Variants in RNF213 observed in about 807,000 individuals in gnomAD.
RNF213 encodes the protein ring finger protein 213.
Under a neutral mutation model 514.4 loss-of-function variants are expected in RNF213, and 341 were observed. That is an observed-to-expected ratio of 0.66 (90% CI 0.61 to 0.73). RNF213 has a LOEUF of 0.73. Among genes scored for constraint, RNF213 ranks in the 30% least tolerant of loss-of-function variants. The pLI is 0.00. For synonymous variants in RNF213, 2,655 were observed against 2,658.2 expected, an observed-to-expected ratio of 1.00 and a Z score of 0.04; for missense variants, 5,767 against 6,615.6, an observed-to-expected ratio of 0.87 and a Z score of 4.45.
At chr17:80,320,884 G>A (rs1253244797) in intron 17 of RNF213, 1 of 152,274 alleles carries the variant, frequency 6.6e-6, no homozygotes, top group Non-Finnish European at 1.5e-5. Flanking sequence ...CTACTTGGGA[G>A]GCTGAGGTGG....
rs955127468 is a variant in RNF213, at chr17:80,398,484, A to G, written c.*4986A>G. The G allele has an allele frequency of 2.0e-5, 3 of 152,226 alleles. No individual in the cohort carries two copies. Among genetic ancestry groups the G allele is most frequent in the Non-Finnish European group, 4.4e-5 (3 of 68,056 alleles). 9.4% of individuals were successfully genotyped at this position (152,226 alleles called of 1,614,324 possible). On this transcript the variant is annotated 3_prime_UTR_variant, in exon 68 of 68. Transcript: ENST00000582970. Reference sequence around the variant, plus strand: ...CAGCATTAGAGGTAGGTTGGCCATCAGAGTGAAGCCTGGACAGGTCCCTTG... The same window carrying G: ...CAGCATTAGAGGTAGGTTGGCCATCGGAGTGAAGCCTGGACAGGTCCCTTG...
Position 80,389,158 on chromosome 17 carries a change from C to T in RNF213, c.15001-15C>T, listed in dbSNP as rs2080361317. Reference sequence around the variant, plus strand: ...CCAGCCCACAGACATCCCTCTCCTGCTTTTCATTTCCCAGGACTCCCTCCC... The same window carrying T: ...CCAGCCCACAGACATCCCTCTCCTGTTTTTCATTTCCCAGGACTCCCTCCC... On this transcript the variant is annotated splice_polypyrimidine_tract_variant and intron_variant, in intron 64 of 67. Coordinates refer to ENST00000582970, the MANE Select transcript of RNF213 (RefSeq NM_001256071.3). The T allele has an allele frequency of 6.2e-7, 1 of 1,613,384 alleles. No individual in the cohort carries two copies. Among genetic ancestry groups the T allele is most frequent in the Middle Eastern group, 1.6e-4 (1 of 6,062 alleles).
chr17:80,319,962 T>C (rs2046083899), intron 17 of RNF213: 2 of 1,032,400 alleles, frequency 1.9e-6, no homozygotes, highest in South Asian at 3.7e-5. Context: ...GGGGTTCTAA[T>C]TTTTTAAGTG....
chr17:80,398,267 T>C lies in RNF213; in HGVS notation c.*4769T>C, dbSNP rs1890098675. ...CTGTAAAAGTGTGTGTGTGCCCTTT[T>C]TACCTGTTCTTTGTTTTGTGGTATG... is the stretch of plus-strand genomic sequence containing the variant. On this transcript the variant is annotated 3_prime_UTR_variant, in exon 68 of 68. Coordinates refer to ENST00000582970, the MANE Select transcript of RNF213 (RefSeq NM_001256071.3). 1 of 152,164 alleles carries C rather than the reference T, an allele frequency of 6.6e-6. No individual in the cohort carries two copies. The allele number at this position is 152,164 out of a possible 1,614,324, so 9.4% of individuals were successfully genotyped here.
intron 3 of RNF213, among the ~76,000 whole-genome samples, chr17:80,274,410 G>T (rs73442436): frequency 6.7e-6 from 1 of 149,430 alleles, no homozygotes; most frequent in African/African-American, 2.5e-5. Flanking sequence ...GCTCTAGCGC[G>T]GCCTGGGAAG....
intron 11 of RNF213, among the ~76,000 whole-genome samples, chr17:80,299,850 A>G (rs1247088725): frequency 6.6e-6 from 1 of 152,158 alleles, no homozygotes; most frequent in Non-Finnish European, 1.5e-5. Flanking sequence ...TGCTAAGGAT[A>G]ATGGCCTCCA....
chr17:80,336,488 A>G, intron 23 of RNF213, 110 bp downstream of exon 23: 1 of 932,966 alleles, frequency 1.1e-6, no homozygotes, highest in East Asian at 2.6e-5. Flanking sequence ...AGGTTTGTAC[A>G]CAGCCGTTTT....
intron 2 of RNF213, among the ~76,000 whole-genome samples, chr17:80,267,559 C>T (rs1394300080): frequency 6.6e-6 from 1 of 152,212 alleles, no homozygotes; most frequent in African/African-American, 2.4e-5. Context: ...TCACAACATT[C>T]CCTTAAACCA....
intron 26 of RNF213, 99 bp downstream of exon 26, chr17:80,340,455 C>T (rs1042901748): frequency 1.7e-5 from 20 of 1,205,818 alleles, no homozygotes; most frequent in Middle Eastern, 2.7e-4. Flanking sequence ...GTGGAGAAAC[C>T]GAGGCTCAGG....
At position 80,393,817 on chromosome 17, in the gene RNF213, C is replaced by G. The variant is rs1047953763; in HGVS notation, c.*319C>G. 1 of 362,872 alleles carries G rather than the reference C, an allele frequency of 2.8e-6. No homozygotes were observed. Among genetic ancestry groups the G allele is most frequent in the Non-Finnish European group, 5.3e-6 (1 of 188,368 alleles). 22.5% of individuals were successfully genotyped at this position (362,872 alleles called of 1,614,324 possible). A position where few individuals can be genotyped will look rare whatever the true frequency, so the allele number is the denominator to read the frequency against. ...CATTCCAGGAGACTTGTAGCTCAGC[C>G]ACACACGCAGTAATGACCTGTGCCC... On this transcript the variant is annotated 3_prime_UTR_variant, in exon 68 of 68. Transcript: ENST00000582970.
intron 35 of RNF213, 39 bp downstream of exon 35, chr17:80,354,205 T>C: frequency 6.2e-7 from 1 of 1,606,738 alleles, no homozygotes. Flanking sequence ...TGCCCCCACG[T>C]GGGCTCTTCC....
chr17:80,294,780 T>G lies in RNF213; in HGVS notation c.1532T>G (p.Met511Arg). 1 of 1,614,130 alleles carries G rather than the reference T, an allele frequency of 6.2e-7. No individual in the cohort carries two copies. Among genetic ancestry groups the G allele is most frequent in the East Asian group, 2.2e-5 (1 of 44,884 alleles). ...MKPHGRLQKV[M>R]NHITDGPRKD... Reference sequence around the variant, plus strand: ...CCTCATGGGAGACTCCAGAAAGTCATGAACCACATCACAGACGGGCCGAGG... The same window carrying G: ...CCTCATGGGAGACTCCAGAAAGTCAGGAACCACATCACAGACGGGCCGAGG... The change falls in exon 9 of 68, where the codon ATG (methionine) becomes AGG (arginine). Residue 511 changes from methionine to arginine, a missense_variant. Physicochemically the swap from Met to Arg is moderately conservative, Grantham distance 91. Around this residue, in one of 13 missense-constraint regions of RNF213, gnomAD observed 592 missense variants for 673.9 expected, o/e 0.88. Transcript: ENST00000582970.
In RNF213 at chr17:80,288,983, C is replaced by T. The variant is rs565353320; in HGVS notation, c.933+228C>T. ...GGAGAGAGGGCACCCAGGTGGGCCC[C>T]GAGGTACCATGGCACCCACAGCCCG... On this transcript the variant is annotated intron_variant, in intron 5 of 67. Transcript: ENST00000582970. The surrounding 1 kb of genome is among the most constrained non-coding windows in gnomAD (Gnocchi z 4.9). Among the ~76,000 whole-genome samples the T allele has an allele frequency of 3.3e-5, 5 of 152,190 alleles. No homozygotes were observed. The highest frequency in any genetic ancestry group is 1.9e-4 in the East Asian group (1 of 5,150).
intron 49 of RNF213, 143 bp from the exon 50 acceptor site, chr17:80,374,315 C>T: frequency 9.4e-7 from 1 of 1,062,026 alleles, no homozygotes; most frequent in South Asian, 1.3e-5. Flanking sequence ...CCAGACTGTC[C>T]TGCCTCAGGC....
Position 80,340,117 on chromosome 17 carries a change from C to G in RNF213, c.5750C>G (p.Thr1917Arg). The G allele has an allele frequency of 6.2e-7, 1 of 1,613,012 alleles. No homozygotes were observed. The highest frequency in any genetic ancestry group is 8.5e-7 in the Non-Finnish European group (1 of 1,179,846). Residue 1917 changes from threonine (T) to arginine (R), a missense_variant, in exon 26 of 68, where the codon ACG (threonine) becomes AGG (arginine). By Grantham distance (71) the Thr-to-Arg change is moderately conservative. This residue lies in a region of RNF213 where 1,377 missense variants were observed against 1,635.2 expected (regional missense o/e 0.84). Coordinates refer to ENST00000582970, the MANE Select transcript of RNF213 (RefSeq NM_001256071.3). ...QAEELFHNLCTQQHREDYQLV... is the reference protein window; with the variant it reads ...QAEELFHNLCRQQHREDYQLV... Reference sequence around the variant, plus strand: ...GAGGAGCTTTTCCACAATCTGTGCACGCAGCAGCACCGAGAAGACTACCAG... The same window carrying G: ...GAGGAGCTTTTCCACAATCTGTGCAGGCAGCAGCACCGAGAAGACTACCAG...
chr17:80,373,275 C>T (rs1394665688), intron 49 of RNF213, 110 bp downstream of exon 49: 4 of 806,440 alleles, frequency 5.0e-6, no homozygotes, highest in African/African-American at 5.4e-5. Context: ...ACCCCACCCC[C>T]TCACACCTTC....
chr17:80,269,723 T>TATCCCATCTTATCTATCC (rs569120620), intron 2 of RNF213, among the ~76,000 whole-genome samples: 20 of 152,274 alleles, frequency 1.3e-4, no homozygotes, highest in African/African-American at 4.6e-4. Context: ...TCCATTCATC[T>TATCCCATCTTATCTATCC]ATCCCATCTT....
chr17:80,368,069 A>T lies in RNF213; in HGVS notation c.12081A>T (p.Ser4027=). ...GCTGCCTCAGGGCCTGGTTTGCCTC[A>T]GAGCAGATGATATGCCCCTACTGTT... ...CLRCLRAWFA[S]EQMICPYCLT... The change falls in exon 44 of 68, where the codon TCA becomes TCT. Residue 4027 remains serine, a synonymous_variant. Transcript: ENST00000582970. 6.2e-7 allele frequency: 1 copy of T among 1,614,272 alleles called. No homozygotes were observed. The highest frequency in any genetic ancestry group is 8.5e-7 in the Non-Finnish European group (1 of 1,180,046).
intron 21 of RNF213, 90 bp from the exon 22 acceptor site, chr17:80,334,015 G>A (rs964615440): frequency 1.4e-6 from 2 of 1,449,140 alleles, no homozygotes; most frequent in African/African-American, 2.8e-5. Context: ...GAGGGAGGGT[G>A]GGGCTGCTGG....
Sources: gnomAD v4.1 joint callset for allele counts (sites outside exome capture counted in the v4.1 genomes callset) on GRCh38, gnomAD v4.1.1 for gene constraint, gnomAD v4.1.1 regional missense constraint, Gnocchi (gnomAD v3.1) non-coding constraint, MANE v1.5 for transcripts, NCBI Gene and HGNC (gene_info 2026-07-23, HGNC 2026-07-21) for gene names.